The following ZBTB7C variants were observed in gnomAD, a reference collection of about 807,000 sequenced individuals.
The protein encoded by ZBTB7C is zinc finger and BTB domain containing 7C.
In ZBTB7C, 8 loss-of-function variants were observed where a neutral mutation model predicts 25.7. The observed-to-expected ratio is 0.31, with a 90% confidence interval of 0.18 to 0.56. The LOEUF is 0.56. ZBTB7C is among the 20% of genes least tolerant of loss of function. The pLI, the probability that ZBTB7C is intolerant of heterozygous loss-of-function variation, is 0.91. For synonymous variants in ZBTB7C, 394 were observed against 369.0 expected (o/e 1.07, Z -0.78); for missense variants, 824 against 855.2 (o/e 0.96, Z 0.46).
chr18:48,355,472 C>A (rs907371741), intron 1 of ZBTB7C, among the ~76,000 whole-genome samples: 8 of 152,212 alleles, frequency 5.3e-5, no homozygotes, highest in Non-Finnish European at 1.2e-4. Flanking sequence ...AGACCTTCCA[C>A]GTTCTGGCTC....
intron 2 of ZBTB7C, among the ~76,000 whole-genome samples, chr18:48,206,676 A>C (rs1009232568): frequency 6.6e-6 from 1 of 152,062 alleles, no homozygotes; most frequent in Non-Finnish European, 1.5e-5. Flanking sequence ...CAAACAAATA[A>C]ATAAAGTTGA....
At position 48,076,840 on chromosome 18, in the gene ZBTB7C, G is replaced by A. The variant is rs374779200; in HGVS notation, c.-16-35717C>T. On this transcript the variant is annotated intron_variant, in intron 3 of 4. Transcript: ENST00000590800. ...GCTGAGAACCCATGGGATTGCAGGAGAATGTAGTCATTATGCCCTGCCCAA... is the reference window on the plus strand; with the variant it reads ...GCTGAGAACCCATGGGATTGCAGGAAAATGTAGTCATTATGCCCTGCCCAA... 3.0e-5 allele frequency: 19 copies of A among 641,170 alleles called. No homozygotes were observed. The East Asian group carries it at 6.9e-4, about 23-fold the overall frequency. The allele number at this position is 641,170 out of a possible 1,614,324, so 39.7% of individuals were successfully genotyped here. A position where few individuals can be genotyped will look rare whatever the true frequency, so the allele number is the denominator to read the frequency against.
intron 3 of ZBTB7C, among the ~76,000 whole-genome samples, chr18:48,050,015 G>T (rs954686563): frequency 1.3e-5 from 2 of 152,190 alleles, no homozygotes; most frequent in African/African-American, 4.8e-5. Flanking sequence ...TGGAATTAGT[G>T]GCTGAGGTGG....
At position 48,200,997 on chromosome 18, in the gene ZBTB7C, C is replaced by A. The variant is rs74442566; in HGVS notation, c.-78-15002G>T. 4.6e-3 allele frequency among the ~76,000 whole-genome samples: 700 copies of A among 152,292 alleles called. 6 individuals are homozygous for A. The highest frequency in any genetic ancestry group is 0.016 in the African/African-American group (672 of 41,562). On this transcript the variant is annotated intron_variant, in intron 2 of 4. Coordinates refer to ENST00000590800, the MANE Select transcript of ZBTB7C (RefSeq NM_001318841.2). Reference sequence around the variant, plus strand: ...ACCCCCTTGGAGCCCCAGGCAGGTGCGGAACATCTAACACCTGCATGTGGG... The same window carrying A: ...ACCCCCTTGGAGCCCCAGGCAGGTGAGGAACATCTAACACCTGCATGTGGG...
At chr18:48,309,579 T>C (rs1243223526) in intron 2 of ZBTB7C, among the ~76,000 whole-genome samples, 1 of 152,196 alleles carries the variant, frequency 6.6e-6, no homozygotes, top group Non-Finnish European at 1.5e-5. Flanking sequence ...CTATACGATA[T>C]GTTTTTAAAA....
chr18:48,039,064 C>A (rs2036100025), intron 4 of ZBTB7C, among the ~76,000 whole-genome samples: 2 of 152,194 alleles, frequency 1.3e-5, no homozygotes, highest in Non-Finnish European at 2.9e-5. Flanking sequence ...AGTTGCTGTG[C>A]AGAGTAGGCA....
In ZBTB7C at chr18:48,163,432, G is replaced by A. The variant is rs76964467; in HGVS notation, c.-17+22502C>T. Among the ~76,000 whole-genome samples the A allele has an allele frequency of 4.6e-3, 693 of 152,304 alleles. 4 individuals are homozygous for A. The highest frequency in any genetic ancestry group is 8.1e-3 in the Non-Finnish European group (552 of 68,022). ...AGAAGCCACTCCTGGAGAGTGCAGG[G>A]CCCATCTTCAATCCCATCACCCATT... is the stretch of plus-strand genomic sequence containing the variant. On this transcript the variant is annotated intron_variant, in intron 3 of 4. Coordinates refer to ENST00000590800, the MANE Select transcript of ZBTB7C (RefSeq NM_001318841.2).
chr18:48,106,141 G>A (rs1045345103), intron 3 of ZBTB7C, among the ~76,000 whole-genome samples: 1 of 152,164 alleles, frequency 6.6e-6, no homozygotes, highest in Admixed American at 6.5e-5. Flanking sequence ...TGGCCTTGGT[G>A]GCTGTCCCCG....
chr18:48,038,577 A>C (rs936786787), intron 4 of ZBTB7C, among the ~76,000 whole-genome samples: 2 of 148,210 alleles, frequency 1.3e-5, no homozygotes, highest in African/African-American at 5.0e-5. Flanking sequence ...CTGGAAAAGC[A>C]TAGTCCCTGA....
At chr18:48,088,458 A>G (rs2038278710) in intron 3 of ZBTB7C, 2 of 152,352 alleles carry the variant, frequency 1.3e-5, no homozygotes, top group Middle Eastern at 6.8e-3. Context: ...TGTATAAACA[A>G]AGGAACAAAA....
At chr18:48,271,785 A>G in intron 2 of ZBTB7C, among the ~76,000 whole-genome samples, 1 of 152,142 alleles carries the variant, frequency 6.6e-6, no homozygotes, top group East Asian at 1.9e-4. Flanking sequence ...CTCAGTCACG[A>G]TAACTTGGTA....
chr18:48,386,058 A>C (rs750007229), intron 1 of ZBTB7C, among the ~76,000 whole-genome samples: 1 of 152,188 alleles, frequency 6.6e-6, no homozygotes, highest in East Asian at 1.9e-4. Context: ...ATTATCCTCC[A>C]TTCCACCCCT....
At chr18:48,157,484 C>A (rs558514314) in intron 3 of ZBTB7C, among the ~76,000 whole-genome samples, 1 of 152,278 alleles carries the variant, frequency 6.6e-6, no homozygotes, top group South Asian at 2.1e-4. Flanking sequence ...GCCCTTCACA[C>A]TTCTCAAAGT....
intron 3 of ZBTB7C, among the ~76,000 whole-genome samples, chr18:48,085,573 G>A (rs1158583414): frequency 1.3e-5 from 2 of 152,134 alleles, no homozygotes; most frequent in Non-Finnish European, 2.9e-5. Context: ...TGTCAAGTGG[G>A]GAGTATGAGT....
At chr18:48,355,853 T>C (rs1179090050) in intron 1 of ZBTB7C, among the ~76,000 whole-genome samples, 1 of 152,132 alleles carries the variant, frequency 6.6e-6, no homozygotes, top group Non-Finnish European at 1.5e-5. Context: ...TGGGGGTAGG[T>C]CCCCAATCAG....
At chr18:48,138,667 G>A (rs1350193128) in intron 3 of ZBTB7C, among the ~76,000 whole-genome samples, 1 of 152,086 alleles carries the variant, frequency 6.6e-6, no homozygotes, top group African/African-American at 2.4e-5. Flanking sequence ...CAGAGCAGGT[G>A]GACAGTTTCC....
intron 1 of ZBTB7C, among the ~76,000 whole-genome samples, chr18:48,379,375 G>A (rs2047587834): frequency 1.3e-5 from 2 of 152,202 alleles, no homozygotes; most frequent in Admixed American, 6.5e-5. Context: ...GAATTACTTT[G>A]TCAATATCTA....
rs146088729 is a variant in ZBTB7C, at chr18:48,319,492, A to G, written c.-79+18682T>C. 4.9e-3 allele frequency among the ~76,000 whole-genome samples: 739 copies of G among 151,982 alleles called. 2 individuals carry two copies. Among genetic ancestry groups the G allele is most frequent in the Admixed American group, 7.8e-3 (119 of 15,234 alleles). ...TGGGGGGACGTAATGCTAAATATTC[A>G]CTCCACACATGTTTTTTATAGTCAA... On this transcript the variant is annotated intron_variant, in intron 2 of 4. Coordinates refer to ENST00000590800, the MANE Select transcript of ZBTB7C (RefSeq NM_001318841.2).
chr18:48,313,823 T>C (rs1420280122), intron 2 of ZBTB7C, among the ~76,000 whole-genome samples: 1 of 152,152 alleles, frequency 6.6e-6, no homozygotes, highest in African/African-American at 2.4e-5. Context: ...TGAAATGTGA[T>C]TCCCAATGTT....
Sources: allele counts gnomAD v4.1 joint callset (sites outside exome capture counted in the v4.1 genomes callset), GRCh38; gene constraint gnomAD v4.1.1; transcripts MANE v1.5; gene names NCBI Gene and HGNC (gene_info 2026-07-23, HGNC 2026-07-21).